Variants in FGF1 observed in about 807,000 individuals in gnomAD.
FGF1 encodes fibroblast growth factor 1.
Under a neutral mutation model 13.4 loss-of-function variants are expected in FGF1, and 9 were observed. The observed-to-expected ratio is 0.67, with a 90% CI of 0.40 to 1.17. The LOEUF is 1.17. Among genes scored for constraint, FGF1 ranks in the 50% most tolerant of loss-of-function variants. FGF1 has a pLI of 0.01. For synonymous variants in FGF1, 93 were observed against 79.0 expected (o/e 1.18, Z -0.94); for missense variants, 156 against 192.7 (o/e 0.81, Z 1.13).
chr5:142,625,601 C>T (rs562090618), intron 1 of FGF1, among the ~76,000 whole-genome samples: 4 of 152,298 alleles, frequency 2.6e-5, no homozygotes, highest in East Asian at 1.9e-4. Context: ...CCAAACCATC[C>T]GGCCGGCCCT....
At chr5:142,650,606 C>T (rs1245815669) in intron 1 of FGF1, among the ~76,000 whole-genome samples, 2 of 152,154 alleles carry the variant, frequency 1.3e-5, no homozygotes, top group Non-Finnish European at 2.9e-5. Flanking sequence ...GAATGATGCT[C>T]ATGACTGTTA....
chr5:142,621,350 CTTTT>C (rs1761569351), intron 1 of FGF1: 1 of 125,546 alleles, frequency 8.0e-6, no homozygotes, highest in Non-Finnish European at 1.6e-5. Context: ...TTCTCTCTCT[CTTTT>C]TCTCTTTCTC....
intron 1 of FGF1, among the ~76,000 whole-genome samples, chr5:142,639,170 T>C (rs1764758975): frequency 6.6e-6 from 1 of 151,976 alleles, no homozygotes. Flanking sequence ...TACTATTGGG[T>C]ATATATTCAA....
At chr5:142,616,274 C>A (rs2151881558) in intron 1 of FGF1, among the ~76,000 whole-genome samples, 1 of 152,252 alleles carries the variant, frequency 6.6e-6, no homozygotes, top group Middle Eastern at 3.4e-3. Context: ...GTACATTTTT[C>A]CCACTCTGCC....
chr5:142,660,394 G>T (rs956459210), intron 1 of FGF1, among the ~76,000 whole-genome samples: 1 of 152,222 alleles, frequency 6.6e-6, no homozygotes, highest in Non-Finnish European at 1.5e-5. Context: ...AGTTGGGGCC[G>T]CTGGTCTCTC....
chr5:142,668,035 C>T (rs1287322887), intron 1 of FGF1, among the ~76,000 whole-genome samples: 1 of 152,228 alleles, frequency 6.6e-6, no homozygotes, highest in East Asian at 1.9e-4. Flanking sequence ...AGGCAGGCCC[C>T]TGGGGGAGGG....
chr5:142,634,320 G>A (rs1214201989), intron 1 of FGF1, among the ~76,000 whole-genome samples: 1 of 152,190 alleles, frequency 6.6e-6, no homozygotes, highest in East Asian at 1.9e-4. Context: ...CTGGCACAGA[G>A]CATAGTGTAT....
At chr5:142,604,556 C>T (rs1263149370) in intron 2 of FGF1, among the ~76,000 whole-genome samples, 2 of 152,074 alleles carry the variant, frequency 1.3e-5, no homozygotes, top group African/African-American at 4.8e-5. Flanking sequence ...AAGTATTTGC[C>T]TCTGTTTCCT....
intron 1 of FGF1, among the ~76,000 whole-genome samples, chr5:142,640,054 G>A (rs1415220246): frequency 1.3e-5 from 2 of 151,910 alleles, no homozygotes; most frequent in Non-Finnish European, 1.5e-5. Context: ...ACCCAAGTAT[G>A]AGTATTTTTG....
At chr5:142,674,405 G>A (rs537818572) in intron 1 of FGF1, among the ~76,000 whole-genome samples, 1 of 152,212 alleles carries the variant, frequency 6.6e-6, no homozygotes, top group African/African-American at 2.4e-5. Flanking sequence ...GGGAGGCAGG[G>A]AGGGAGAAAG....
chr5:142,595,099 G>C lies in FGF1; in HGVS notation c.*191C>G. On this transcript the variant is annotated 3_prime_UTR_variant, in exon 4 of 4. Transcript: ENST00000337706. Reference sequence around the variant, plus strand: ...CTCCTAGAAGCAATTTGGTCCCTCTGTTCTAAACTGTGCAGGGGTAAAAGG... The same window carrying C: ...CTCCTAGAAGCAATTTGGTCCCTCTCTTCTAAACTGTGCAGGGGTAAAAGG... 2 of 548,734 alleles carry C rather than the reference G, an allele frequency of 3.6e-6. No homozygotes were observed. Among genetic ancestry groups the C allele is most frequent in the South Asian group, 2.5e-5 (1 of 39,620 alleles). 34.0% of individuals were successfully genotyped at this position (548,734 alleles called of 1,614,324 possible). A position where few individuals can be genotyped will look rare whatever the true frequency, so the allele number is the denominator to read the frequency against.
intron 2 of FGF1, among the ~76,000 whole-genome samples, chr5:142,693,279 A>T (rs955184547): frequency 2.0e-5 from 3 of 151,880 alleles, no homozygotes; most frequent in Non-Finnish European, 2.9e-5. Context: ...TGGGTTTTTT[A>T]AATTATTTAT....
intron 1 of FGF1, among the ~76,000 whole-genome samples, chr5:142,663,738 A>G (rs548345022): frequency 7.9e-5 from 12 of 152,204 alleles, no homozygotes; most frequent in Non-Finnish European, 1.8e-4. Context: ...CTCTCGCCCC[A>G]GATTTCCATC....
chr5:142,630,749 C>T (rs1475412814), intron 1 of FGF1, among the ~76,000 whole-genome samples: 2 of 152,198 alleles, frequency 1.3e-5, no homozygotes, highest in Admixed American at 6.5e-5. Flanking sequence ...CATGGGCTGC[C>T]TCCCATGCCC....
Position 142,592,405 on chromosome 5 carries a change from T to G in FGF1, c.*2885A>C. 5.0e-6 allele frequency: 2 copies of G among 398,578 alleles called. No individual in the cohort carries two copies. The highest frequency in any genetic ancestry group is 8.8e-6 in the Non-Finnish European group (2 of 226,028). 24.7% of individuals were successfully genotyped at this position (398,578 alleles called of 1,614,324 possible). ...AGCTGATGCTCCAATCAGTTTTTTG[T>G]TCATACACACTGTTGGCCATTGTGA... On this transcript the variant is annotated 3_prime_UTR_variant, in exon 4 of 4. Transcript: ENST00000337706.
At chr5:142,616,899 C>G (rs2159118) in intron 1 of FGF1, among the ~76,000 whole-genome samples, 4 of 152,066 alleles carry the variant, frequency 2.6e-5, no homozygotes, top group South Asian at 2.1e-4. Context: ...AAGTTATGTA[C>G]TTCATTTGGT....
chr5:142,643,497 G>A (rs1284647888), intron 1 of FGF1, among the ~76,000 whole-genome samples: 1 of 152,090 alleles, frequency 6.6e-6, no homozygotes, highest in Non-Finnish European at 1.5e-5. Flanking sequence ...ACCTCTTGCT[G>A]CAACCTAGGA....
intron 1 of FGF1, among the ~76,000 whole-genome samples, chr5:142,672,522 T>G (rs1337765370): frequency 1.5e-5 from 2 of 132,496 alleles, no homozygotes; most frequent in African/African-American, 6.0e-5. Context: ...TTTTTTTTTT[T>G]GAAACCAAGT....
intron 2 of FGF1, among the ~76,000 whole-genome samples, chr5:142,602,794 G>A (rs1223297376): frequency 6.6e-6 from 1 of 151,950 alleles, no homozygotes; most frequent in African/African-American, 2.4e-5. Flanking sequence ...TCTTCTTGCT[G>A]ATTGAATTGT....
Sources: gnomAD v4.1 joint callset for allele counts (sites outside exome capture counted in the v4.1 genomes callset) on GRCh38, gnomAD v4.1.1 for gene constraint, MANE v1.5 for transcripts, NCBI Gene and HGNC (gene_info 2026-07-23, HGNC 2026-07-21) for gene names.